NOTCH3: variants seen among roughly 807,000 people sequenced by gnomAD.
NOTCH3 encodes the protein neurogenic locus notch homolog protein 3.
A neutral mutation model predicts 213.3 loss-of-function variants in NOTCH3; 86 were observed. That is an observed-to-expected ratio of 0.40 (90% CI 0.34 to 0.48). NOTCH3 has a LOEUF of 0.48. Ranked by LOEUF, NOTCH3 falls within the 20% of genes least tolerant of loss-of-function variation. The pLI, the probability that NOTCH3 is intolerant of heterozygous loss-of-function variation, is 0.57. For missense variants in NOTCH3, 2,783 were observed against 3,272.6 expected (o/e 0.85, Z 3.65); for synonymous variants, 1,354 against 1,355.9 (o/e 1.00, Z 0.03).
intron 6 of NOTCH3, among the ~76,000 whole-genome samples, chr19:15,190,821 A>C (rs1275010199): frequency 6.6e-6 from 1 of 152,172 alleles, no homozygotes; most frequent in African/African-American, 2.4e-5. Context: ...TGCTGAGCTC[A>C]AGCAATCTAC....
At chr19:15,200,516 T>C (rs1316611825) in intron 1 of NOTCH3, among the ~76,000 whole-genome samples, 1 of 152,018 alleles carries the variant, frequency 6.6e-6, no homozygotes, top group Non-Finnish European at 1.5e-5. Context: ...CTCGAGTCCC[T>C]GATCCCCGCA....
At chr19:15,200,161 G>A (rs2047000727) in intron 1 of NOTCH3, among the ~76,000 whole-genome samples, 1 of 150,684 alleles carries the variant, frequency 6.6e-6, no homozygotes, top group Admixed American at 6.6e-5. Flanking sequence ...GCGCAGGGGC[G>A]GGGTCCCAGG....
chr19:15,167,905 TG>T (rs71168586), intron 28 of NOTCH3, among the ~76,000 whole-genome samples: 2,101 of 18,280 alleles, frequency 0.11, 64 homozygotes, highest in African/African-American at 0.29. Flanking sequence ...TTTTTTTTTT[TG>T]GTCTTTTTGA....
intron 24 of NOTCH3, 114 bp from the exon 25 acceptor site, chr19:15,174,514 G>T (rs148042678): frequency 2.6e-6 from 2 of 784,094 alleles, no homozygotes; most frequent in Admixed American, 2.9e-5. Flanking sequence ...TTGCACAGGG[G>T]ACTGGAATAT....
In NOTCH3 at chr19:15,180,335, C is replaced by T. The variant is rs932258577; in HGVS notation, c.3143-79G>A. The T allele has an allele frequency of 4.7e-6, 7 of 1,499,516 alleles. No homozygotes were observed. The Admixed American group carries it at 7.1e-5, about 15-fold the overall frequency. The allele number at this position is 1,499,516 out of a possible 1,614,324, so 92.9% of individuals were successfully genotyped here. A position where few individuals can be genotyped will look rare whatever the true frequency, so the allele number is the denominator to read the frequency against. On this transcript the variant is annotated intron_variant, in intron 19 of 32. Coordinates refer to ENST00000263388, the MANE Select transcript of NOTCH3 (RefSeq NM_000435.3). ...TGCCTCCATCACACAGATCATTCAACATCCTTGGTGGAATGAGTCCCCAGG... is the reference window on the plus strand; with the variant it reads ...TGCCTCCATCACACAGATCATTCAATATCCTTGGTGGAATGAGTCCCCAGG...
chr19:15,180,750 G>T lies in NOTCH3; in HGVS notation c.3073C>A (p.Pro1025Thr), dbSNP rs2046832953. Reference protein sequence around the residue: ...CVQTGAYCLCPPGWSGRLCDI... With the variant: ...CVQTGAYCLCTPGWSGRLCDI... ...CAGAGGCGTCCGCTCCATCCAGGGG[G>T]ACAAAGGCAATAGGCCCCAGTCTGG... is the stretch of plus-strand genomic sequence containing the variant. The change falls in exon 19 of 33, where the codon CCC becomes ACC. Residue 1025 changes from proline (P) to threonine (T), a missense_variant. Pro to Thr is a conservative substitution (Grantham distance 38, BLOSUM62 -1). This residue lies in a region of NOTCH3 where 861 missense variants were observed against 909.1 expected (regional missense o/e 0.95). Transcript: ENST00000263388. The T allele has an allele frequency of 6.3e-7, 1 of 1,593,906 alleles. No individual in the cohort carries two copies. Among genetic ancestry groups the T allele is most frequent in the South Asian group, 1.1e-5 (1 of 87,570 alleles).
intron 2 of NOTCH3, among the ~76,000 whole-genome samples, chr19:15,193,101 C>T (rs965271088): frequency 1.3e-5 from 2 of 152,112 alleles, no homozygotes; most frequent in Admixed American, 1.3e-4. Context: ...ATACAACATG[C>T]TGGCAGGGGG....
chr19:15,178,720 C>T lies in NOTCH3; in HGVS notation c.3837+103G>A, dbSNP rs899801005. 2.3e-5 allele frequency: 19 copies of T among 843,324 alleles called. No homozygotes were observed. The African/African-American group carries it at 2.7e-4, about 12-fold the overall frequency. 52.2% of individuals were successfully genotyped at this position (843,324 alleles called of 1,614,324 possible). On this transcript the variant is annotated intron_variant, in intron 23 of 32. Transcript: ENST00000263388. The stretch of plus-strand genomic sequence containing the variant: ...CATTTTCCAGAAACTCCCTTCCCTT[C>T]GATGTCTCCCCTAAAGCCACATCCT...
intron 2 of NOTCH3, among the ~76,000 whole-genome samples, chr19:15,197,202 C>T (rs534930074): frequency 2.0e-5 from 3 of 152,192 alleles, no homozygotes; most frequent in Admixed American, 2.0e-4. Flanking sequence ...CTCAGGTGGC[C>T]AAGAACTGTG....
chr19:15,190,055 G>A (rs562777150), intron 6 of NOTCH3, among the ~76,000 whole-genome samples: 3 of 152,056 alleles, frequency 2.0e-5, no homozygotes, highest in South Asian at 2.1e-4. Flanking sequence ...TGAGTGCATC[G>A]CTTGAGTTCA....
chr19:15,188,808 C>G (rs569022618), intron 8 of NOTCH3, among the ~76,000 whole-genome samples, 181 bp downstream of exon 8: 5 of 152,308 alleles, frequency 3.3e-5, no homozygotes, highest in African/African-American at 1.2e-4. Context: ...TCCATTTGAC[C>G]AAGCCCCCAG....
At chr19:15,164,548 AAAAATT>A (rs1163920389) in intron 31 of NOTCH3, among the ~76,000 whole-genome samples, 1 of 143,056 alleles carries the variant, frequency 7.0e-6, no homozygotes, top group Non-Finnish European at 1.5e-5. Context: ...TCTCAAAAAA[AAAAATT>A]AAAAAAAGGG....
rs990145082 is a variant in NOTCH3, at chr19:15,185,839, C to G, written c.1952-160G>C. 3.0e-4 allele frequency among the ~76,000 whole-genome samples: 45 copies of G among 152,194 alleles called. 1 individual carries two copies. The highest frequency in any genetic ancestry group is 6.6e-5 in the Admixed American group (1 of 15,266). On this transcript the variant is annotated intron_variant, in intron 12 of 32. Coordinates refer to ENST00000263388, the MANE Select transcript of NOTCH3 (RefSeq NM_000435.3). This position sits in a 1 kb window ranked among gnomAD's most constrained non-coding sequence, Gnocchi z 4.2. The stretch of plus-strand genomic sequence containing the variant: ...AGATTAGGACACCCGCCTCCTCAAC[C>G]AAGAGCTGACTTGCCCCAGATCATT...
In NOTCH3 at chr19:15,197,519, A is replaced by G. The variant is rs750242461; in HGVS notation, c.178T>C (p.Ser60Pro). The change falls in exon 2 of 33, where the codon TCC becomes CCC. Residue 60 changes from serine to proline, a missense_variant. Ser to Pro is a moderately conservative substitution (Grantham distance 74). This residue lies in a region of NOTCH3 where 708 missense variants were observed against 906.6 expected (regional missense o/e 0.78). Transcript: ENST00000263388. The part of the protein sequence containing the change: ...ANGGRCTQLP[S>P]REAACLCPPG... ...ACTCACAGGCAGGCAGCCTCCCGGG[A>G]GGGCAGCTGGGTGCAACGACCTCCA... The G allele has an allele frequency of 1.4e-6, 2 of 1,469,054 alleles. No individual in the cohort carries two copies. Among genetic ancestry groups the G allele is most frequent in the African/African-American group, 2.9e-5 (2 of 68,254 alleles). 91.0% of individuals were successfully genotyped at this position (1,469,054 alleles called of 1,614,324 possible). A position where few individuals can be genotyped will look rare whatever the true frequency, so the allele number is the denominator to read the frequency against.
At position 15,161,955 on chromosome 19, in the gene NOTCH3, C is replaced by T. The variant is rs538203304; in HGVS notation, c.5914-241G>A. Among the ~76,000 whole-genome samples the T allele has an allele frequency of 4.9e-3, 742 of 150,674 alleles. 2 individuals are homozygous for T. Among genetic ancestry groups the T allele is most frequent in the Non-Finnish European group, 7.5e-3 (507 of 67,812 alleles). Reference sequence around the variant, plus strand: ...TAGGGTGAGTTAAGCGAGGTACTCACCTTAGGCATAACTTTTTTTTTCTTG... The same window carrying T: ...TAGGGTGAGTTAAGCGAGGTACTCATCTTAGGCATAACTTTTTTTTTCTTG... On this transcript the variant is annotated intron_variant, in intron 32 of 32. Transcript: ENST00000263388.
In NOTCH3 at chr19:15,160,199, C is replaced by T. The variant is rs145095999; in HGVS notation, c.*463G>A. 313 of 240,352 alleles carry T rather than the reference C, an allele frequency of 1.3e-3. 1 individual carries two copies. The highest frequency in any genetic ancestry group is 5.8e-3 in the African/African-American group (261 of 45,324). The allele number at this position is 240,352 out of a possible 1,614,324, so 14.9% of individuals were successfully genotyped here. A position where few individuals can be genotyped will look rare whatever the true frequency, so the allele number is the denominator to read the frequency against. ...GAATGGGCCCACAGACTCAGCCCCA[C>T]GGGGGCACTGGGGGGTTCACAGGGG... is the stretch of plus-strand genomic sequence containing the variant. On this transcript the variant is annotated 3_prime_UTR_variant, in exon 33 of 33. Coordinates refer to ENST00000263388, the MANE Select transcript of NOTCH3 (RefSeq NM_000435.3).
At chr19:15,200,745 C>G in intron 1 of NOTCH3, 43 bp downstream of exon 1, 1 of 1,237,818 alleles carries the variant, frequency 8.1e-7, no homozygotes, top group Non-Finnish European at 1.0e-6. Context: ...TTGCACTCCC[C>G]CTCTGCCGCC....
chr19:15,159,752 A>C lies in NOTCH3; in HGVS notation c.*910T>G, dbSNP rs2046624014. The C allele has an allele frequency of 4.3e-6, 1 of 233,132 alleles. No homozygotes were observed. Among genetic ancestry groups the C allele is most frequent in the South Asian group, 1.8e-4 (1 of 5,532 alleles). 14.4% of individuals were successfully genotyped at this position (233,132 alleles called of 1,614,324 possible). A position where few individuals can be genotyped will look rare whatever the true frequency, so the allele number is the denominator to read the frequency against. ...AAGCCATATTACAAAAATAGCCTAA[A>C]AATACCTCTATTCTGCCATGAGGCT... On this transcript the variant is annotated 3_prime_UTR_variant, in exon 33 of 33. Transcript: ENST00000263388.
intron 20 of NOTCH3, 97 bp downstream of exon 20, chr19:15,179,975 T>C (rs2046825517): frequency 3.7e-6 from 3 of 819,194 alleles, no homozygotes; most frequent in South Asian, 1.5e-5. Flanking sequence ...CAGACATATC[T>C]AGAGACATAC....
Sources: allele counts gnomAD v4.1 joint callset (sites outside exome capture counted in the v4.1 genomes callset), GRCh38; gene constraint gnomAD v4.1.1; regional missense constraint gnomAD v4.1.1; non-coding constraint Gnocchi (gnomAD v3.1); transcripts MANE v1.5; gene names NCBI Gene and HGNC (gene_info 2026-07-23, HGNC 2026-07-21).